TMEM217: variants seen among roughly 807,000 people sequenced by gnomAD.
TMEM217 encodes transmembrane protein 217.
For missense variants in TMEM217, 204 were observed against 248.8 expected, an observed-to-expected ratio of 0.82 and a Z score of 1.21; for synonymous variants, 76 against 88.3, an observed-to-expected ratio of 0.86 and a Z score of 0.78.
intron 1 of TMEM217, among the ~76,000 whole-genome samples, chr6:37,250,987 C>T (rs1765368227): frequency 6.6e-6 from 1 of 152,052 alleles, no homozygotes; most frequent in Non-Finnish European, 1.5e-5. Context: ...TAGATTACTG[C>T]CCTTTTAAGA....
intron 1 of TMEM217, among the ~76,000 whole-genome samples, chr6:37,249,443 C>T (rs1241719965): frequency 6.6e-6 from 1 of 152,102 alleles, no homozygotes; most frequent in East Asian, 1.9e-4. Context: ...CCTCAGCCTC[C>T]CAAGTAGCTG....
In TMEM217 at chr6:37,257,842, T is replaced by G; in HGVS notation, c.-286A>C. The G allele has an allele frequency of 1.3e-6, 2 of 1,531,452 alleles. No homozygotes were observed. The highest frequency in any genetic ancestry group is 1.8e-6 in the Non-Finnish European group (2 of 1,126,248). The allele number at this position is 1,531,452 out of a possible 1,614,324, so 94.9% of individuals were successfully genotyped here. A position where few individuals can be genotyped will look rare whatever the true frequency, so the allele number is the denominator to read the frequency against. On this transcript the variant is annotated 5_prime_UTR_variant, in exon 1 of 2. The change abolishes the stop of an existing upstream ORF in the 5' untranslated region. Coordinates refer to ENST00000357219, the Ensembl canonical transcript of TMEM217. The stretch of plus-strand genomic sequence containing the variant: ...GCGGGGAAGCGGCCTGGGTTGGCCC[T>G]CAGATTGCGGGGTCTGGGGGCATCT...
At chr6:37,216,107 C>T (rs903826337), downstream of TMEM217, among the ~76,000 whole-genome samples, 5 of 151,944 alleles carry the variant, frequency 3.3e-5, no homozygotes, top group Non-Finnish European at 5.9e-5. Context: ...GAGACAAAGT[C>T]TCACTCTGTT....
intron 1 of TMEM217, among the ~76,000 whole-genome samples, 168 bp downstream of exon 1, chr6:37,257,400 T>C (rs1296889037): frequency 6.6e-6 from 1 of 152,136 alleles, no homozygotes; most frequent in Non-Finnish European, 1.5e-5. Flanking sequence ...AATTGAGAGA[T>C]GTTAAAAATG....
At chr6:37,212,884 T>C, downstream of TMEM217, 1 of 1,515,340 alleles carries the variant, frequency 6.6e-7, no homozygotes, top group Non-Finnish European at 9.0e-7. Flanking sequence ...AATGTGTGTC[T>C]TCTGGTTCAG....
At chr6:37,240,702 C>T (rs1764724380) in intron 1 of TMEM217, among the ~76,000 whole-genome samples, 1 of 152,050 alleles carries the variant, frequency 6.6e-6, no homozygotes, top group Admixed American at 6.5e-5. Context: ...TGTATGTATA[C>T]ATGTATGTGT....
At chr6:37,234,382 G>A (rs555897035) in intron 1 of TMEM217, among the ~76,000 whole-genome samples, 22 of 152,294 alleles carry the variant, frequency 1.4e-4, no homozygotes, top group African/African-American at 4.8e-4. Context: ...CTACAGGCGT[G>A]AGCCACCACG....
At chr6:37,254,400 A>G (rs906542152) in intron 1 of TMEM217, among the ~76,000 whole-genome samples, 1 of 152,158 alleles carries the variant, frequency 6.6e-6, no homozygotes, top group Non-Finnish European at 1.5e-5. Context: ...CTTTGATGAC[A>G]GCTACCAACT....
At chr6:37,239,951 A>T (rs1314399167) in intron 1 of TMEM217, among the ~76,000 whole-genome samples, 1 of 151,914 alleles carries the variant, frequency 6.6e-6, no homozygotes, top group Non-Finnish European at 1.5e-5. Context: ...AAACAATAGT[A>T]GTTTAAACAA....
exon 2 of TMEM217, chr6:37,218,099 G>C (rs1437744922): frequency 1.9e-6 from 2 of 1,030,150 alleles, no homozygotes; most frequent in East Asian, 1.8e-4. Context: ...CTGGGAATCT[G>C]AGAGACCTAC....
chr6:37,242,290 G>A (rs548494325), intron 1 of TMEM217, among the ~76,000 whole-genome samples: 2 of 152,254 alleles, frequency 1.3e-5, no homozygotes, highest in East Asian at 1.9e-4. Flanking sequence ...AGGCCCCCAC[G>A]GTGGGCAGAA....
intron 1 of TMEM217, among the ~76,000 whole-genome samples, chr6:37,225,063 G>C (rs1763748759): frequency 6.6e-6 from 1 of 151,686 alleles, no homozygotes; most frequent in Non-Finnish European, 1.5e-5. Context: ...TAGGTGTGGT[G>C]GTGGCACATC....
chr6:37,216,756 G>T (rs1763227365), downstream of TMEM217, among the ~76,000 whole-genome samples: 1 of 152,164 alleles, frequency 6.6e-6, no homozygotes, highest in Admixed American at 6.5e-5. Flanking sequence ...GGGCCTTTAG[G>T]AGGTGATTGA....
chr6:37,248,351 T>C lies in TMEM217; in HGVS notation c.-12+9217A>G, dbSNP rs78046275. ...GAAGAATTAATTTCTATCTACAGTG[T>C]GTGGCAATGATCTGGTGCAGTGCTG... is the stretch of plus-strand genomic sequence containing the variant. On this transcript the variant is annotated intron_variant, in intron 1 of 1. Coordinates refer to ENST00000357219, the Ensembl canonical transcript of TMEM217. Among the ~76,000 whole-genome samples, 1,048 of 152,316 alleles carry C rather than the reference T, an allele frequency of 6.9e-3. 11 individuals are homozygous for C. Among genetic ancestry groups the C allele is most frequent in the African/African-American group, 0.022 (934 of 41,550 alleles).
chr6:37,215,570 C>CTAAAAA (rs1763146807), downstream of TMEM217, among the ~76,000 whole-genome samples: 1 of 72,376 alleles, frequency 1.4e-5, no homozygotes, highest in Non-Finnish European at 2.4e-5. Flanking sequence ...GACTCTGTCT[C>CTAAAAA]AAAAAAAAAA....
At chr6:37,244,616 T>A (rs958639443) in intron 1 of TMEM217, among the ~76,000 whole-genome samples, 10 of 152,246 alleles carry the variant, frequency 6.6e-5, no homozygotes, top group Non-Finnish European at 1.3e-4. Flanking sequence ...AGAAAAACCA[T>A]GGCTCATAGA....
chr6:37,234,766 T>C (rs1373426925), intron 1 of TMEM217, among the ~76,000 whole-genome samples: 2 of 151,940 alleles, frequency 1.3e-5, no homozygotes, highest in Non-Finnish European at 2.9e-5. Context: ...AATATCGGTA[T>C]ACACATGTAA....
intron 1 of TMEM217, among the ~76,000 whole-genome samples, chr6:37,248,201 G>T (rs923309984): frequency 6.6e-6 from 1 of 152,052 alleles, no homozygotes; most frequent in Admixed American, 6.6e-5. Flanking sequence ...TTGTCATGCT[G>T]CTTTACTTAC....
intron 1 of TMEM217, among the ~76,000 whole-genome samples, chr6:37,228,772 C>T (rs572445352): frequency 2.7e-4 from 41 of 151,544 alleles, no homozygotes; most frequent in Non-Finnish European, 5.0e-4. Context: ...CCGAGGCAGG[C>T]GGATCACAAG....
Sources: gnomAD v4.1 joint callset for allele counts (sites outside exome capture counted in the v4.1 genomes callset) on GRCh38, gnomAD v4.1.1 for gene constraint, MANE v1.5 for transcripts, NCBI Gene and HGNC (gene_info 2026-07-23, HGNC 2026-07-21) for gene names.